The following TRIM2 variants were observed in gnomAD, a reference collection of about 807,000 sequenced individuals.
TRIM2 encodes tripartite motif containing 2.
A neutral mutation model predicts 75.2 loss-of-function variants in TRIM2; 20 were observed. That is an observed-to-expected ratio of 0.27 (90% confidence interval 0.19 to 0.39). The LOEUF (loss-of-function observed/expected upper bound fraction) is 0.39. TRIM2 is among the 10% of genes least tolerant of loss of function. The probability of loss-of-function intolerance (pLI) is 1.00; values close to 1 mark genes in which losing one functional copy is unlikely to be tolerated. For synonymous variants in TRIM2, 373 were observed against 388.3 expected (o/e 0.96, Z 0.46); for missense variants, 660 against 990.8 (o/e 0.67, Z 4.48).
chr4:153,270,667 A>G, intron 2 of TRIM2, 148 bp downstream of exon 2: 1 of 689,570 alleles, frequency 1.5e-6, no homozygotes, highest in Non-Finnish European at 2.2e-6. Flanking sequence ...CAGAATCATG[A>G]GTTGCAAATA....
Position 153,335,187 on chromosome 4 carries a change from A to G in TRIM2, c.*221A>G, listed in dbSNP as rs146530973. 2.0e-3 allele frequency: 2,503 copies of G among 1,233,382 alleles called. 38 individuals are homozygous for G. In the African/African-American group the frequency reaches 0.035, roughly 17 times the overall value. 76.4% of individuals were successfully genotyped at this position (1,233,382 alleles called of 1,614,324 possible). ...AAAAACTCTTCTACTGAATCTATAA[A>G]AACTGCAGTTTTACATCTGTGAACT... On this transcript the variant is annotated 3_prime_UTR_variant, in exon 12 of 12. Coordinates refer to ENST00000338700, the MANE Select transcript of TRIM2 (RefSeq NM_015271.5).
chr4:153,242,982 A>AGG (rs1486968125), intron 1 of TRIM2, among the ~76,000 whole-genome samples: 1 of 152,230 alleles, frequency 6.6e-6, no homozygotes, highest in Non-Finnish European at 1.5e-5. Flanking sequence ...GCATGTTGGC[A>AGG]GGGGCCCCAG....
At chr4:153,309,790 A>C (rs774088904) in intron 6 of TRIM2, 1 of 151,894 alleles carries the variant, frequency 6.6e-6, no homozygotes, top group Non-Finnish European at 1.5e-5. Context: ...TGCTCAGCTA[A>C]TTTTTTGTAT....
chr4:153,185,837 C>G (rs996842672), intron 1 of TRIM2, among the ~76,000 whole-genome samples: 34 of 152,128 alleles, frequency 2.2e-4, no homozygotes, highest in Admixed American at 7.2e-4. Flanking sequence ...GTTAACCTGC[C>G]AGGGCTTCTC....
intron 1 of TRIM2, among the ~76,000 whole-genome samples, chr4:153,171,998 C>T (rs1285190642): frequency 1.3e-5 from 2 of 151,876 alleles, no homozygotes; most frequent in Non-Finnish European, 2.9e-5. Context: ...AATGTAATAC[C>T]TAGACCATAT....
intron 6 of TRIM2, among the ~76,000 whole-genome samples, chr4:153,298,378 G>T (rs1763179990): frequency 6.6e-6 from 1 of 152,174 alleles, no homozygotes; most frequent in African/African-American, 2.4e-5. Context: ...CTGGGAGGGT[G>T]GGTTTCCTCT....
intron 1 of TRIM2, among the ~76,000 whole-genome samples, chr4:153,236,004 TG>T (rs964948655): frequency 8.5e-5 from 13 of 152,068 alleles, no homozygotes; most frequent in Non-Finnish European, 1.9e-4. Flanking sequence ...GATCAAATCA[TG>T]GGGGCAGTTT....
At chr4:153,236,010 C>T (rs975947460) in intron 1 of TRIM2, among the ~76,000 whole-genome samples, 2 of 152,102 alleles carry the variant, frequency 1.3e-5, no homozygotes, top group African/African-American at 4.8e-5. Context: ...ATCATGGGGG[C>T]AGTTTCCCCC....
chr4:153,307,889 C>A, intron 6 of TRIM2: 1 of 748,294 alleles, frequency 1.3e-6, no homozygotes, highest in Non-Finnish European at 2.5e-6. Context: ...TGTGGGAGAC[C>A]ATGATTCTGA....
chr4:153,244,173 T>TCTTCTCCTC (rs1747598525), intron 1 of TRIM2, among the ~76,000 whole-genome samples: 1 of 139,968 alleles, frequency 7.1e-6, no homozygotes, highest in Non-Finnish European at 1.5e-5. Flanking sequence ...TTCTTCTTCT[T>TCTTCTCCTC]CTTCTTCTCC....
chr4:153,161,565 T>G (rs1465175664), intron 1 of TRIM2, among the ~76,000 whole-genome samples: 1 of 152,236 alleles, frequency 6.6e-6, no homozygotes, highest in Non-Finnish European at 1.5e-5. Flanking sequence ...TATGACATGA[T>G]GCACAGCAGA....
At chr4:153,274,297 A>G (rs1181174954) in intron 2 of TRIM2, among the ~76,000 whole-genome samples, 2 of 152,222 alleles carry the variant, frequency 1.3e-5, no homozygotes, top group South Asian at 2.1e-4. Flanking sequence ...AAAGATATGT[A>G]GGCATTTGGA....
chr4:153,288,680 C>T (rs1288439562), intron 3 of TRIM2, among the ~76,000 whole-genome samples: 1 of 151,910 alleles, frequency 6.6e-6, no homozygotes, highest in Non-Finnish European at 1.5e-5. Flanking sequence ...CGGTTCTTTC[C>T]CTTTCTCTCT....
chr4:153,277,989 A>C (rs960414925), intron 3 of TRIM2, among the ~76,000 whole-genome samples: 4 of 152,218 alleles, frequency 2.6e-5, no homozygotes, highest in Admixed American at 2.6e-4. Context: ...AGTTATGGGA[A>C]GGTATTTCTA....
chr4:153,185,612 C>G (rs1195876045), intron 1 of TRIM2, among the ~76,000 whole-genome samples: 1 of 152,164 alleles, frequency 6.6e-6, no homozygotes, highest in Non-Finnish European at 1.5e-5. Flanking sequence ...CCAGGTCTCA[C>G]TGAGGAGCTG....
Position 153,244,421 on chromosome 4 carries a change from T to TTCTTCTTCTTCTTCTTCTTCTTCC in TRIM2, c.31-25898_31-25897insCTTCTTCCTCTTCTTCTTCTTCTT, listed in dbSNP as rs1560875635. Among the ~76,000 whole-genome samples, 256 of 89,132 alleles carry TTCTTCTTCTTCTTCTTCTTCTTCC rather than the reference T, an allele frequency of 2.9e-3. 33 individuals carry two copies. The highest frequency in any genetic ancestry group is 3.9e-3 in the African/African-American group (83 of 21,052). The allele number at this position is 89,132 out of a possible 152,430, so 58.5% of individuals were successfully genotyped here. On this transcript the variant is annotated intron_variant, in intron 1 of 11. Transcript: ENST00000338700. ...CTTCTTCTTCTTCTTCTTCTTCTTCTTCTTCTTCTTCTTCTTTTAATTAGA... is the reference window on the plus strand; with the variant it reads ...CTTCTTCTTCTTCTTCTTCTTCTTCTTCTTCTTCTTCTTCTTCTTCTTCCTCTTCTTCTTCTTCTTTTAATTAGA...
intron 3 of TRIM2, among the ~76,000 whole-genome samples, chr4:153,292,365 A>G (rs1009437198): frequency 1.3e-5 from 2 of 152,218 alleles, no homozygotes; most frequent in African/African-American, 4.8e-5. Flanking sequence ...CATTATTCAC[A>G]TTAACATTTA....
intron 1 of TRIM2, among the ~76,000 whole-genome samples, chr4:153,166,118 A>T (rs552513313): frequency 0.021 from 3,117 of 152,010 alleles, 52 homozygotes; most frequent in Non-Finnish European, 0.032. Context: ...TTCTTTTTTA[A>T]AAAAAAATCC....
At chr4:153,329,326 T>A (rs1025885311) in intron 11 of TRIM2, among the ~76,000 whole-genome samples, 3 of 151,504 alleles carry the variant, frequency 2.0e-5, no homozygotes, top group Non-Finnish European at 2.9e-5. Flanking sequence ...AAAGAGGGAG[T>A]CTCAAGGAAA....
Sources: gnomAD v4.1 joint callset for allele counts (sites outside exome capture counted in the v4.1 genomes callset) on GRCh38, gnomAD v4.1.1 for gene constraint, MANE v1.5 for transcripts, NCBI Gene and HGNC (gene_info 2026-07-23, HGNC 2026-07-21) for gene names.